RGL1: variants seen among roughly 807,000 people sequenced by gnomAD.
RGL1 encodes the protein ral guanine nucleotide dissociation stimulator like 1, also known as ral guanine nucleotide dissociation stimulator-like 1.
A neutral mutation model predicts 95.2 loss-of-function variants in RGL1; 24 were observed. The ratio of observed to expected loss-of-function variants is 0.25; its 90% CI spans 0.18 to 0.35. The LOEUF (loss-of-function observed/expected upper bound fraction) is 0.35, where lower values mean the gene tolerates loss of function less well. Among genes scored for constraint, RGL1 ranks in the 10% least tolerant of loss-of-function variants. RGL1 has a pLI of 1.00. For missense variants in RGL1, 715 were observed against 936.3 expected, an observed-to-expected ratio of 0.76 and a Z score of 3.08; for synonymous variants, 329 against 344.9, an observed-to-expected ratio of 0.95 and a Z score of 0.51.
chr1:183,897,706 G>T, intron 9 of RGL1, 102 bp from the exon 10 acceptor site: 1 of 779,044 alleles, frequency 1.3e-6, no homozygotes, highest in South Asian at 1.7e-5. Flanking sequence ...TGTTCCGAGC[G>T]AGAGTTATGC....
At chr1:183,798,672 A>G (rs559200674) in intron 2 of RGL1, among the ~76,000 whole-genome samples, 16 of 152,158 alleles carry the variant, frequency 1.1e-4, no homozygotes, top group Non-Finnish European at 2.2e-4. Context: ...CATCTTGTAT[A>G]ATTGAAACTT....
intron 2 of RGL1, among the ~76,000 whole-genome samples, chr1:183,830,537 ACT>A (rs926445569): frequency 3.9e-5 from 6 of 152,028 alleles, no homozygotes; most frequent in Admixed American, 2.0e-4. Context: ...GCATATTCCC[ACT>A]CTCTGTTTTC....
At chr1:183,686,570 A>C (rs1413708744) in intron 1 of RGL1, among the ~76,000 whole-genome samples, 1 of 152,144 alleles carries the variant, frequency 6.6e-6, no homozygotes, top group Non-Finnish European at 1.5e-5. Flanking sequence ...CTGTAGTGCT[A>C]TACAGATTTC....
chr1:183,856,767 A>G (rs190891593), intron 3 of RGL1, among the ~76,000 whole-genome samples: 251 of 152,012 alleles, frequency 1.7e-3, no homozygotes, highest in Middle Eastern at 0.014. Flanking sequence ...AGAAAAGAGG[A>G]TTGTAAGAAG....
chr1:183,888,804 T>C (rs1667261229), intron 8 of RGL1, among the ~76,000 whole-genome samples: 1 of 152,100 alleles, frequency 6.6e-6, no homozygotes, highest in African/African-American at 2.4e-5. Flanking sequence ...ATTATTGGCT[T>C]TGGGGATGAT....
At chr1:183,848,319 G>A (rs1664579470) in intron 3 of RGL1, among the ~76,000 whole-genome samples, 1 of 152,164 alleles carries the variant, frequency 6.6e-6, no homozygotes, top group Non-Finnish European at 1.5e-5. Context: ...TTATTACATA[G>A]AGCAGTATAC....
chr1:183,705,289 C>A (rs536675431), intron 1 of RGL1, among the ~76,000 whole-genome samples: 131 of 151,874 alleles, frequency 8.6e-4, no homozygotes, highest in Non-Finnish European at 1.6e-3. Flanking sequence ...CTCGGGTTTG[C>A]GGGGTAAGAG....
chr1:183,749,934 C>T (rs551435526), intron 2 of RGL1, among the ~76,000 whole-genome samples: 2 of 152,340 alleles, frequency 1.3e-5, no homozygotes, highest in East Asian at 3.9e-4. Context: ...GATCCACTGT[C>T]AGTCTGATGG....
intron 1 of RGL1, among the ~76,000 whole-genome samples, chr1:183,725,876 G>A (rs1656284603): frequency 6.6e-6 from 1 of 152,152 alleles, no homozygotes; most frequent in Admixed American, 6.5e-5. Flanking sequence ...TTCTAGTGCA[G>A]TGGAGCATTT....
intron 1 of RGL1, among the ~76,000 whole-genome samples, chr1:183,654,232 A>T (rs567520166): frequency 1.3e-5 from 2 of 152,052 alleles, no homozygotes; most frequent in Admixed American, 1.3e-4. Flanking sequence ...AGGTGTATTC[A>T]TGAACTCCTC....
intron 4 of RGL1, among the ~76,000 whole-genome samples, chr1:183,880,012 C>T (rs918580928): frequency 3.9e-5 from 6 of 152,226 alleles, no homozygotes; most frequent in Non-Finnish European, 7.3e-5. Flanking sequence ...GACATAACTT[C>T]TCTACCTACT....
intron 1 of RGL1, among the ~76,000 whole-genome samples, chr1:183,735,862 C>G (rs141312567): frequency 1.2e-4 from 18 of 152,280 alleles, no homozygotes; most frequent in African/African-American, 3.4e-4. Context: ...TCTCTGTGTT[C>G]TCAGAAGAAA....
At chr1:183,913,179 C>CTT (rs1366788766) in intron 15 of RGL1, among the ~76,000 whole-genome samples, 1 of 101,670 alleles carries the variant, frequency 9.8e-6, no homozygotes, top group African/African-American at 3.8e-5. Flanking sequence ...TAAGACCAGT[C>CTT]TTCTTTTTTT....
chr1:183,744,656 TTA>T (rs1456728246), intron 2 of RGL1, among the ~76,000 whole-genome samples: 1 of 152,244 alleles, frequency 6.6e-6, no homozygotes, highest in Non-Finnish European at 1.5e-5. Context: ...CTTGTAAATT[TTA>T]TATAAGCCTT....
chr1:183,804,340 C>T (rs546800693), upstream of RGL1, among the ~76,000 whole-genome samples: 1 of 152,056 alleles, frequency 6.6e-6, no homozygotes, highest in East Asian at 1.9e-4. Flanking sequence ...TTGCTGTTGA[C>T]TTGTTAAAAC....
intron 4 of RGL1, among the ~76,000 whole-genome samples, chr1:183,871,567 T>C (rs1395051684): frequency 6.6e-6 from 1 of 152,220 alleles, no homozygotes; most frequent in African/African-American, 2.4e-5. Context: ...CCGTTTTAGC[T>C]GTAAAGCAAA....
chr1:183,832,874 A>G (rs4079924), intron 2 of RGL1, among the ~76,000 whole-genome samples: 52,919 of 152,120 alleles, frequency 0.35, 10,810 homozygotes, highest in Non-Finnish European at 0.46. Flanking sequence ...GAAAAGGTAC[A>G]GAGTTTCAGG....
intron 4 of RGL1, among the ~76,000 whole-genome samples, chr1:183,873,397 T>C (rs911647915): frequency 1.3e-5 from 2 of 152,230 alleles, no homozygotes; most frequent in Non-Finnish European, 2.9e-5. Flanking sequence ...ATCACAAATA[T>C]GCTGAGATAT....
chr1:183,899,384 T>G (rs890926616), intron 10 of RGL1, among the ~76,000 whole-genome samples: 2 of 152,252 alleles, frequency 1.3e-5, no homozygotes, highest in Non-Finnish European at 2.9e-5. Flanking sequence ...TTTTCTTGAC[T>G]GTTTTTTATG....
Sources: allele counts gnomAD v4.1 joint callset (sites outside exome capture counted in the v4.1 genomes callset), GRCh38; gene constraint gnomAD v4.1.1; transcripts MANE v1.5; gene names NCBI Gene and HGNC (gene_info 2026-07-23, HGNC 2026-07-21).